Variants in PACS2 observed in about 807,000 individuals in gnomAD.
The protein encoded by PACS2 is PACS1-like protein.
A neutral mutation model predicts 113.0 loss-of-function variants in PACS2; 36 were observed. The observed-to-expected ratio is 0.32, with a 90% CI of 0.24 to 0.42. PACS2 has a LOEUF of 0.42. Among genes scored for constraint, PACS2 ranks in the 10% least tolerant of loss-of-function variants. PACS2 has a pLI of 1.00. For missense variants in PACS2, 1,015 were observed against 1,239.5 expected (o/e 0.82, Z 2.72); for synonymous variants, 589 against 536.1 (o/e 1.10, Z -1.36).
chr14:105,355,522 C>T lies in PACS2; in HGVS notation c.423+345C>T, dbSNP rs1173717116. Among the ~76,000 whole-genome samples the T allele has an allele frequency of 1.3e-5, 2 of 152,226 alleles. No homozygotes were observed. The highest frequency in any genetic ancestry group is 2.4e-5 in the African/African-American group (1 of 41,464). On this transcript the variant is annotated intron_variant, in intron 4 of 24. Coordinates refer to ENST00000447393, the MANE Select transcript of PACS2 (RefSeq NM_001100913.3). The surrounding 1 kb of genome is among the most constrained non-coding windows in gnomAD (Gnocchi z 4.1). ...AGGAATCGCTGCTGTCCCCACACCA[C>T]GGGTGCGTCCTGTGATGGGTTCGTG...
At chr14:105,375,211 C>T (rs879950868) in intron 8 of PACS2, among the ~76,000 whole-genome samples, 3 of 151,892 alleles carry the variant, frequency 2.0e-5, no homozygotes, top group African/African-American at 7.2e-5. Flanking sequence ...TGGGTGTGGT[C>T]GCTCACACCT....
intron 1 of PACS2, chr14:105,336,745 G>A (rs2140939150): frequency 6.6e-6 from 1 of 152,432 alleles, no homozygotes; most frequent in South Asian, 2.1e-4. Context: ...GTGTTAATCA[G>A]AGTGAAAGCC....
intron 4 of PACS2, among the ~76,000 whole-genome samples, chr14:105,359,936 T>A (rs896116762): frequency 1.3e-5 from 2 of 152,218 alleles, no homozygotes; most frequent in African/African-American, 2.4e-5. Flanking sequence ...AGCCTACTTT[T>A]TCTGTGTTTA....
chr14:105,362,205 T>C (rs1199743508), intron 4 of PACS2, among the ~76,000 whole-genome samples: 2 of 149,970 alleles, frequency 1.3e-5, no homozygotes, highest in South Asian at 4.2e-4. Flanking sequence ...GATCACGAGG[T>C]CAGGAGATCA....
At chr14:105,367,173 C>A (rs1555408120) in intron 4 of PACS2, 40 bp from the exon 5 acceptor site, 3 of 1,593,434 alleles carry the variant, frequency 1.9e-6, no homozygotes, top group Non-Finnish European at 2.6e-6. Context: ...GGGCTCCTTC[C>A]CGTCGTGCTG....
rs587659890 is a variant in PACS2 at position 105,385,165 on chromosome 14, G to A, written c.2000+178G>A. Among the ~76,000 whole-genome samples, 516 of 152,304 alleles carry A rather than the reference G, an allele frequency of 3.4e-3. 4 individuals carry two copies. The highest frequency in any genetic ancestry group is 0.012 in the African/African-American group (486 of 41,572). ...CCTCCCTGACAGCAGGTGCTTCCCC[G>A]CACCCCAGATCCCTCATAGTAAGCG... On this transcript the variant is annotated intron_variant, in intron 18 of 24. Coordinates refer to ENST00000447393, the MANE Select transcript of PACS2 (RefSeq NM_001100913.3).
Position 105,376,972 on chromosome 14 carries a change from C to T in PACS2, c.959+47C>T. ...GGGGAGGAACAGCCATTTCAGATGC[C>T]CCGGCCACTCTGCGACCACTCTGGC... On this transcript the variant is annotated intron_variant, in intron 9 of 24. Coordinates refer to ENST00000447393, the MANE Select transcript of PACS2 (RefSeq NM_001100913.3). The surrounding 1 kb of genome is among the most constrained non-coding windows in gnomAD (Gnocchi z 4.7). 5 of 1,534,990 alleles carry T rather than the reference C, an allele frequency of 3.3e-6. No individual in the cohort carries two copies. The highest frequency in any genetic ancestry group is 4.4e-6 in the Non-Finnish European group (5 of 1,136,480).
chr14:105,373,662 C>G (rs782390268), intron 8 of PACS2, among the ~76,000 whole-genome samples: 1 of 152,060 alleles, frequency 6.6e-6, no homozygotes, highest in Non-Finnish European at 1.5e-5. Context: ...GTGGTATGCA[C>G]CTGTAATCCC....
intron 1 of PACS2, among the ~76,000 whole-genome samples, chr14:105,342,394 A>G (rs2059766643): frequency 1.3e-5 from 2 of 151,884 alleles, no homozygotes; most frequent in South Asian, 4.2e-4. Flanking sequence ...CAGCCTCCCA[A>G]GTAGCTGGGA....
In PACS2 at chr14:105,323,208, T is replaced by C. The variant is rs1489980056; in HGVS notation, c.119+8171T>C. 1.3e-5 allele frequency among the ~76,000 whole-genome samples: 2 copies of C among 152,222 alleles called. No individual in the cohort carries two copies. The highest frequency in any genetic ancestry group is 3.8e-4 in the East Asian group (2 of 5,200). On this transcript the variant is annotated intron_variant, in intron 1 of 24. Coordinates refer to ENST00000447393, the MANE Select transcript of PACS2 (RefSeq NM_001100913.3). The surrounding 1 kb of genome is among the most constrained non-coding windows in gnomAD (Gnocchi z 4.1). ...GATTTTCATGAGTCCCGGGAAGCTC[T>C]CAGCCACTTTTTCTTCTGCTGTTGG...
chr14:105,336,234 C>G (rs587616230), intron 1 of PACS2, among the ~76,000 whole-genome samples: 2 of 152,260 alleles, frequency 1.3e-5, no homozygotes, highest in Non-Finnish European at 2.9e-5. Context: ...GCCCCCACCC[C>G]CTTGCCTGCC....
rs1480062548 is a variant in PACS2 at position 105,315,896 on chromosome 14, G to C, written c.119+859G>C. On this transcript the variant is annotated intron_variant, in intron 1 of 24. Coordinates refer to ENST00000447393, the MANE Select transcript of PACS2 (RefSeq NM_001100913.3). This position sits in a 1 kb window ranked among gnomAD's most constrained non-coding sequence, Gnocchi z 4.4. ...AGACAGCAGGCGAGAAGAGGAGGCG[G>C]TTGGGGGTAGTGAGAGTTCTCCCTG... Among the ~76,000 whole-genome samples the C allele has an allele frequency of 2.0e-5, 3 of 152,262 alleles. No individual in the cohort carries two copies. Among genetic ancestry groups the C allele is most frequent in the African/African-American group, 7.2e-5 (3 of 41,472 alleles).
At chr14:105,383,884 G>T in intron 16 of PACS2, 1 of 296,240 alleles carries the variant, frequency 3.4e-6, no homozygotes, top group South Asian at 4.9e-5. Context: ...TGCAAAGCAG[G>T]GCTCGTTATT....
intron 4 of PACS2, among the ~76,000 whole-genome samples, chr14:105,361,245 G>T (rs1555406386): frequency 6.6e-6 from 1 of 152,246 alleles, no homozygotes; most frequent in East Asian, 1.9e-4. Flanking sequence ...TGTCATCCCA[G>T]CACTTTGGGA....
intron 1 of PACS2, among the ~76,000 whole-genome samples, chr14:105,325,174 G>GC (rs1420940314): frequency 1.3e-5 from 2 of 151,768 alleles, no homozygotes; most frequent in African/African-American, 4.8e-5. Context: ...TGGGACGGGG[G>GC]GGGGCTCGGA....
intron 12 of PACS2, among the ~76,000 whole-genome samples, chr14:105,381,528 C>T (rs1439718033): frequency 3.3e-5 from 5 of 152,264 alleles, no homozygotes; most frequent in African/African-American, 4.8e-5. Flanking sequence ...CCTGTGTCCG[C>T]GCTTTGGAGC....
intron 8 of PACS2, among the ~76,000 whole-genome samples, chr14:105,375,261 C>T (rs369297337): frequency 2.9e-3 from 444 of 152,234 alleles, no homozygotes; most frequent in South Asian, 0.017. Context: ...GGGTGGATTA[C>T]AAGGTCAAGA....
rs587698780 is a variant in PACS2, at chr14:105,357,051, C to T, written c.423+1874C>T. ...ATGTCCTGCTGATCCCTGCCGGTCCCTGTGAGCTCCTGCCCCAGGCTGCTC... is the reference window on the plus strand; with the variant it reads ...ATGTCCTGCTGATCCCTGCCGGTCCTTGTGAGCTCCTGCCCCAGGCTGCTC... On this transcript the variant is annotated intron_variant, in intron 4 of 24. Coordinates refer to ENST00000447393, the MANE Select transcript of PACS2 (RefSeq NM_001100913.3). This position sits in a 1 kb window ranked among gnomAD's most constrained non-coding sequence, Gnocchi z 5.1. Among the ~76,000 whole-genome samples, 4 of 152,318 alleles carry T rather than the reference C, an allele frequency of 2.6e-5. No individual in the cohort carries two copies. The highest frequency in any genetic ancestry group is 9.6e-5 in the African/African-American group (4 of 41,582).
At chr14:105,309,715 G>A (rs930864874), upstream of PACS2, among the ~76,000 whole-genome samples, 2 of 150,920 alleles carry the variant, frequency 1.3e-5, no homozygotes, top group South Asian at 2.1e-4. This position sits in a 1 kb window ranked among gnomAD's most constrained non-coding sequence, Gnocchi z 4.0. Flanking sequence ...ATGTCATCAC[G>A]ACCTTAGGTC....
Sources: gnomAD v4.1 joint callset for allele counts (sites outside exome capture counted in the v4.1 genomes callset) on GRCh38, gnomAD v4.1.1 for gene constraint, Gnocchi (gnomAD v3.1) non-coding constraint, MANE v1.5 for transcripts, NCBI Gene and HGNC (gene_info 2026-07-23, HGNC 2026-07-21) for gene names.